Variants in SERINC2 observed in about 807,000 individuals in gnomAD.
SERINC2 encodes the protein tumor differentially expressed protein 2.
In SERINC2, 56 loss-of-function variants were observed where a neutral mutation model predicts 54.2. The ratio of observed to expected loss-of-function variants is 1.03; its 90% CI spans 0.83 to 1.29. The LOEUF is 1.29. SERINC2 is among the 50% of genes most tolerant of loss of function. The pLI, the probability that SERINC2 is intolerant of heterozygous loss-of-function variation, is 0.00. For synonymous variants in SERINC2, 272 were observed against 253.1 expected (o/e 1.07, Z -0.71); for missense variants, 614 against 607.4 (o/e 1.01, Z -0.12).
intron 8 of SERINC2, among the ~76,000 whole-genome samples, chr1:31,432,587 G>A (rs896552159): frequency 3.2e-4 from 49 of 152,096 alleles, no homozygotes; most frequent in South Asian, 1.0e-3. Flanking sequence ...TTAGGTACTC[G>A]ATACGTGTTT....
intron 1 of SERINC2, among the ~76,000 whole-genome samples, chr1:31,416,821 G>A (rs1028638075): frequency 5.3e-5 from 8 of 152,318 alleles, no homozygotes; most frequent in African/African-American, 1.7e-4. Flanking sequence ...CCAGGTTCAA[G>A]TGATTCTCCT....
intron 8 of SERINC2, among the ~76,000 whole-genome samples, chr1:31,432,120 T>TAGGGTGGACAGGGTGGAC (rs1641291562): frequency 7.6e-5 from 1 of 13,224 alleles, no homozygotes; most frequent in Non-Finnish European, 1.9e-4. Flanking sequence ...ATAGGGTGGT[T>TAGGGTGGACAGGGTGGAC]AGGGTGGATA....
intron 8 of SERINC2, among the ~76,000 whole-genome samples, chr1:31,432,406 C>G (rs1412043143): frequency 6.6e-6 from 1 of 152,064 alleles, no homozygotes; most frequent in Admixed American, 6.5e-5. Context: ...AAAAGCATGA[C>G]ATACAATCAT....
intron 1 of SERINC2, among the ~76,000 whole-genome samples, chr1:31,422,055 T>C (rs1209999174): frequency 1.3e-5 from 2 of 152,058 alleles, no homozygotes; most frequent in Non-Finnish European, 2.9e-5. Flanking sequence ...TCCCAGCACT[T>C]TGGGAGGCTG....
chr1:31,422,115 G>A (rs1640915778), intron 1 of SERINC2, among the ~76,000 whole-genome samples: 1 of 151,976 alleles, frequency 6.6e-6, no homozygotes, highest in Non-Finnish European at 1.5e-5. Flanking sequence ...TCTGGGCAAC[G>A]TGGTGAAACT....
Position 31,426,635 on chromosome 1 carries a change from C to A in SERINC2, c.611-19C>A. Reference sequence around the variant, plus strand: ...CTGCCCCACCCACTGCCTACCCTCTCACTACCCCTCTGGCCCAGGCCTCTT... The same window carrying A: ...CTGCCCCACCCACTGCCTACCCTCTAACTACCCCTCTGGCCCAGGCCTCTT... On this transcript the variant is annotated intron_variant, in intron 5 of 9. Coordinates refer to ENST00000373709, the MANE Select transcript of SERINC2 (RefSeq NM_178865.5). The A allele has an allele frequency of 6.3e-7, 1 of 1,590,766 alleles. No individual in the cohort carries two copies. Among genetic ancestry groups the A allele is most frequent in the South Asian group, 1.1e-5 (1 of 89,218 alleles).
intron 1 of SERINC2, chr1:31,415,725 T>G (rs782186115): frequency 4.0e-6 from 1 of 248,266 alleles, no homozygotes; most frequent in African/African-American, 2.3e-5. Context: ...AGTACCATCC[T>G]GTTGCAGTGA....
intron 8 of SERINC2, among the ~76,000 whole-genome samples, chr1:31,431,304 T>TA (rs1280178694): frequency 6.7e-6 from 1 of 149,804 alleles, no homozygotes; most frequent in African/African-American, 2.5e-5. Flanking sequence ...AAAAAAACAT[T>TA]TTTTTTTTTT....
intron 6 of SERINC2, among the ~76,000 whole-genome samples, chr1:31,428,152 G>T (rs1404787585): frequency 6.6e-6 from 1 of 151,942 alleles, no homozygotes; most frequent in African/African-American, 2.4e-5. Context: ...CAATTCTCCT[G>T]CCTCAGCCTC....
At chr1:31,416,828 TC>T (rs1157274145) in intron 1 of SERINC2, among the ~76,000 whole-genome samples, 6 of 152,196 alleles carry the variant, frequency 3.9e-5, no homozygotes, top group African/African-American at 1.4e-4. Context: ...CAAGTGATTC[TC>T]CTGCCTCAGC....
At chr1:31,431,778 T>TAGGGTGGACAGGGTGGAC (rs1557499713) in intron 8 of SERINC2, among the ~76,000 whole-genome samples, 1 of 9,916 alleles carries the variant, frequency 1.0e-4, no homozygotes, top group Non-Finnish European at 5.1e-4. Context: ...AGAGGGTGAA[T>TAGGGTGGACAGGGTGGAC]AGGGTGGATA....
At chr1:31,415,321 C>T (rs908692724) in intron 1 of SERINC2, among the ~76,000 whole-genome samples, 1 of 152,324 alleles carries the variant, frequency 6.6e-6, no homozygotes, top group Admixed American at 6.5e-5. Flanking sequence ...CCCTTCAGTG[C>T]CATCCCCTTG....
chr1:31,416,590 C>T (rs972387163), intron 1 of SERINC2, among the ~76,000 whole-genome samples: 3 of 152,184 alleles, frequency 2.0e-5, no homozygotes, highest in Admixed American at 6.5e-5. Context: ...TTCATGAAGG[C>T]GGCAAGGTGC....
intron 8 of SERINC2, among the ~76,000 whole-genome samples, chr1:31,431,998 G>A (rs1553134637): frequency 4.8e-5 from 7 of 145,138 alleles, no homozygotes; most frequent in African/African-American, 1.0e-4. Context: ...GGTGGATAGG[G>A]TGGATAGGGT....
intron 8 of SERINC2, among the ~76,000 whole-genome samples, chr1:31,431,957 T>TTAGGGTGGA (rs1557500441): frequency 5.8e-4 from 2 of 3,446 alleles, no homozygotes; most frequent in Non-Finnish European, 1.2e-3. Context: ...GTTAGGGTGG[T>TTAGGGTGGA]TAGGGTGGAT....
intron 8 of SERINC2, among the ~76,000 whole-genome samples, chr1:31,432,347 T>C (rs1411029014): frequency 6.6e-6 from 1 of 151,930 alleles, no homozygotes; most frequent in Non-Finnish European, 1.5e-5. Context: ...CAAAAATTTT[T>C]ATGTCTCAAA....
upstream of SERINC2, chr1:31,413,003 C>A: frequency 3.4e-6 from 1 of 296,916 alleles, no homozygotes; most frequent in Non-Finnish European, 5.1e-6. This position sits in a 1 kb window ranked among gnomAD's most constrained non-coding sequence, Gnocchi z 5.0. Context: ...GATGCGAGCC[C>A]GGGCCACGAT....
At chr1:31,419,434 G>C (rs1640855548) in intron 1 of SERINC2, among the ~76,000 whole-genome samples, 1 of 152,090 alleles carries the variant, frequency 6.6e-6, no homozygotes, top group African/African-American at 2.4e-5. Flanking sequence ...ACAATGAAAT[G>C]TACCCAAGTT....
intron 8 of SERINC2, among the ~76,000 whole-genome samples, chr1:31,431,752 A>G (rs1039160284): frequency 6.6e-6 from 1 of 151,474 alleles, no homozygotes; most frequent in Middle Eastern, 3.2e-3. Context: ...TTTGGTAGAT[A>G]GGGTGGAGAG....
Sources: allele counts gnomAD v4.1 joint callset (sites outside exome capture counted in the v4.1 genomes callset), GRCh38; gene constraint gnomAD v4.1.1; non-coding constraint Gnocchi (gnomAD v3.1); transcripts MANE v1.5; gene names NCBI Gene and HGNC (gene_info 2026-07-23, HGNC 2026-07-21).